FMNL3: variants seen among roughly 807,000 people sequenced by gnomAD.
FMNL3 encodes formin-like protein 3.
In FMNL3, 57 loss-of-function variants were observed where a neutral mutation model predicts 119.6. That is an observed-to-expected ratio of 0.48 (90% CI 0.39 to 0.59). The LOEUF is 0.59. Among genes scored for constraint, FMNL3 ranks in the 20% least tolerant of loss-of-function variants. The pLI is 0.00. For missense variants in FMNL3, 1,053 were observed against 1,323.5 expected, an observed-to-expected ratio of 0.80 and a Z score of 3.17; for synonymous variants, 491 against 507.3, an observed-to-expected ratio of 0.97 and a Z score of 0.43.
chr12:49,664,368 GTACTT>G (rs1438816222), intron 4 of FMNL3, among the ~76,000 whole-genome samples: 1 of 152,172 alleles, frequency 6.6e-6, no homozygotes, highest in East Asian at 1.9e-4. Context: ...TCATGTCACT[GTACTT>G]TATCCTGGGC....
chr12:49,641,798 C>G lies in FMNL3; in HGVS notation c.*4017G>C, dbSNP rs1189949847. On this transcript the variant is annotated 3_prime_UTR_variant, in exon 26 of 26. Coordinates refer to ENST00000335154, the MANE Select transcript of FMNL3 (RefSeq NM_175736.5). ...TAATGCAGACCACAGTCCTGTGGAT[C>G]TCTTCCAGAGGCAAGGGCCTTCTTG... 8.3e-6 allele frequency: 7 copies of G among 845,682 alleles called. No individual in the cohort carries two copies. In the East Asian group the frequency reaches 1.7e-4, roughly 21 times the overall value. The allele number at this position is 845,682 out of a possible 1,614,324, so 52.4% of individuals were successfully genotyped here.
chr12:49,688,577 T>C (rs1944526105), intron 1 of FMNL3: 2 of 454,634 alleles, frequency 4.4e-6, no homozygotes, highest in South Asian at 3.1e-5. Context: ...AGAAAACTCA[T>C]CCCCCAGATC....
rs140389517 is a variant in FMNL3, at chr12:49,703,426, C to G, written c.126+3629G>C. On this transcript the variant is annotated intron_variant, in intron 1 of 25. Transcript: ENST00000335154. Reference sequence around the variant, plus strand: ...TGCCCCAACCCCAAACTTCTCAATACCCAACAGAATGGGAAGTGCTACTCA... The same window carrying G: ...TGCCCCAACCCCAAACTTCTCAATAGCCAACAGAATGGGAAGTGCTACTCA... Among the ~76,000 whole-genome samples, 398 of 152,246 alleles carry G rather than the reference C, an allele frequency of 2.6e-3. 2 individuals are homozygous for G. Among genetic ancestry groups the G allele is most frequent in the Non-Finnish European group, 2.7e-3 (185 of 68,022 alleles).
chr12:49,643,490 T>C lies in FMNL3; in HGVS notation c.*2325A>G. On this transcript the variant is annotated 3_prime_UTR_variant, in exon 26 of 26. Coordinates refer to ENST00000335154, the MANE Select transcript of FMNL3 (RefSeq NM_175736.5). ...AGCCCCAGCTCCTTTGAGGGTAGAC[T>C]GGATTGGGAGGGCTGCACCTGTGGA... 1 of 1,474,540 alleles carries C rather than the reference T, an allele frequency of 6.8e-7. No individual in the cohort carries two copies. The highest frequency in any genetic ancestry group is 9.1e-7 in the Non-Finnish European group (1 of 1,097,288). The allele number at this position is 1,474,540 out of a possible 1,614,324, so 91.3% of individuals were successfully genotyped here.
chr12:49,655,926 C>A (rs1565872589), intron 9 of FMNL3, among the ~76,000 whole-genome samples: 1 of 152,158 alleles, frequency 6.6e-6, no homozygotes. Flanking sequence ...TCCTTCTCCC[C>A]TCACCAATAA....
At chr12:49,706,080 A>C (rs1240958513) in intron 1 of FMNL3, among the ~76,000 whole-genome samples, 1 of 152,182 alleles carries the variant, frequency 6.6e-6, no homozygotes, top group Non-Finnish European at 1.5e-5. Context: ...TATTTCCCCA[A>C]ATTTCTCAAA....
chr12:49,673,231 C>G (rs1190199368), intron 1 of FMNL3, among the ~76,000 whole-genome samples: 1 of 152,224 alleles, frequency 6.6e-6, no homozygotes, highest in Non-Finnish European at 1.5e-5. Flanking sequence ...ACACACTTCT[C>G]AACGTGCTGC....
chr12:49,685,617 A>G (rs1311178085), intron 1 of FMNL3, among the ~76,000 whole-genome samples: 1 of 152,210 alleles, frequency 6.6e-6, no homozygotes, highest in Non-Finnish European at 1.5e-5. Context: ...AGTATAAAAG[A>G]AAGGTGACTA....
intron 1 of FMNL3, 87 bp downstream of exon 1, chr12:49,706,968 G>C (rs1230626820): frequency 6.3e-6 from 9 of 1,432,528 alleles, no homozygotes; most frequent in Non-Finnish European, 7.6e-6. Flanking sequence ...AAGGGTGGGC[G>C]GGACGGGGGC....
At chr12:49,665,939 C>T (rs1468163833) in intron 3 of FMNL3, 31 bp from the exon 4 acceptor site, 10 of 1,610,090 alleles carry the variant, frequency 6.2e-6, no homozygotes, top group African/African-American at 1.3e-5. Flanking sequence ...GAAGGGAATA[C>T]AAGAGGGCAG....
chr12:49,637,594 C>G lies in FMNL3; in HGVS notation c.*8221G>C. On this transcript the variant is annotated 3_prime_UTR_variant, in exon 26 of 26. Transcript: ENST00000335154. ...ATGCTGGGCCAGCCGGGTAAGGCAG[C>G]CAGGCTCCCCCTTCTCTGGCCTGGC... is the stretch of plus-strand genomic sequence containing the variant. 1 of 1,610,344 alleles carries G rather than the reference C, an allele frequency of 6.2e-7. No homozygotes were observed. Among genetic ancestry groups the G allele is most frequent in the Non-Finnish European group, 8.5e-7 (1 of 1,177,502 alleles).
chr12:49,679,085 G>A (rs1210271732), intron 1 of FMNL3, among the ~76,000 whole-genome samples: 6 of 152,212 alleles, frequency 3.9e-5, no homozygotes, highest in Non-Finnish European at 5.9e-5. Flanking sequence ...ACAGAACTGC[G>A]ATAAGCACTC....
At chr12:49,702,537 A>C (rs1291218331) in intron 1 of FMNL3, among the ~76,000 whole-genome samples, 1 of 152,136 alleles carries the variant, frequency 6.6e-6, no homozygotes. Flanking sequence ...GTATTACTTT[A>C]AGAGGAAAAC....
In FMNL3 at chr12:49,642,632, CG is replaced by C. The variant is rs1565851704; in HGVS notation, c.*3182del. 1 of 1,614,162 alleles carries C rather than the reference CG, an allele frequency of 6.2e-7. No individual in the cohort carries two copies. Among genetic ancestry groups the C allele is most frequent in the Non-Finnish European group, 8.5e-7 (1 of 1,180,024 alleles). On this transcript the variant is annotated 3_prime_UTR_variant, in exon 26 of 26. Coordinates refer to ENST00000335154, the MANE Select transcript of FMNL3 (RefSeq NM_175736.5). The surrounding 1 kb of genome is among the most constrained non-coding windows in gnomAD (Gnocchi z 5.8). ...GCCTTTGAGCAGATCACCCTGGAGT[CG>C]GAGCGGATCCGGCTCTTCCGGGAGT...
At position 49,639,067 on chromosome 12, in the gene FMNL3, G is replaced by C. The variant is rs1942247309; in HGVS notation, c.*6748C>G. On this transcript the variant is annotated 3_prime_UTR_variant, in exon 26 of 26. Transcript: ENST00000335154. ...TCTTTCTCTGGAACCACATGCCCCA[G>C]CTTGGAAGTAGAGCCCTGCATGTAA... The C allele has an allele frequency of 6.6e-6, 1 of 152,164 alleles. No homozygotes were observed. Among genetic ancestry groups the C allele is most frequent in the Admixed American group, 6.5e-5 (1 of 15,280 alleles). 9.4% of individuals were successfully genotyped at this position (152,164 alleles called of 1,614,324 possible).
intron 1 of FMNL3, among the ~76,000 whole-genome samples, chr12:49,692,984 T>A (rs1592692926): frequency 6.6e-6 from 1 of 152,176 alleles, no homozygotes; most frequent in Non-Finnish European, 1.5e-5. Flanking sequence ...GAAAGGAGCT[T>A]GTCCTGAACG....
At position 49,637,209 on chromosome 12, in the gene FMNL3, C is replaced by A; in HGVS notation, c.*8606G>T. ...GTGGTGGTAGTGCTAGGGGTTACTGCAGGCAGGTTTCTGTTTCTTTGCATC... is the reference window on the plus strand; with the variant it reads ...GTGGTGGTAGTGCTAGGGGTTACTGAAGGCAGGTTTCTGTTTCTTTGCATC... On this transcript the variant is annotated 3_prime_UTR_variant, in exon 26 of 26. Coordinates refer to ENST00000335154, the MANE Select transcript of FMNL3 (RefSeq NM_175736.5). 1.7e-6 allele frequency: 1 copy of A among 574,206 alleles called. No homozygotes were observed. The highest frequency in any genetic ancestry group is 3.1e-6 in the Non-Finnish European group (1 of 322,842). 35.6% of individuals were successfully genotyped at this position (574,206 alleles called of 1,614,324 possible).
intron 1 of FMNL3, among the ~76,000 whole-genome samples, chr12:49,678,131 G>A (rs944191997): frequency 6.6e-6 from 1 of 151,396 alleles, no homozygotes; most frequent in Non-Finnish European, 1.5e-5. Context: ...CAAAGTGCTG[G>A]GATTACAGGC....
chr12:49,647,098 C>G lies in FMNL3; in HGVS notation c.2872-89G>C. On this transcript the variant is annotated intron_variant, in intron 24 of 25. Transcript: ENST00000335154. The surrounding 1 kb of genome is among the most constrained non-coding windows in gnomAD (Gnocchi z 4.9). Reference sequence around the variant, plus strand: ...CCCAAGGTGCAGTCTGAGGATGCCACTGCTTGTGCACTGCTAGGAATCCCC... The same window carrying G: ...CCCAAGGTGCAGTCTGAGGATGCCAGTGCTTGTGCACTGCTAGGAATCCCC... 1 of 1,595,048 alleles carries G rather than the reference C, an allele frequency of 6.3e-7. No homozygotes were observed. Among genetic ancestry groups the G allele is most frequent in the Non-Finnish European group, 8.6e-7 (1 of 1,167,942 alleles).
Sources: allele counts gnomAD v4.1 joint callset (sites outside exome capture counted in the v4.1 genomes callset), GRCh38; gene constraint gnomAD v4.1.1; non-coding constraint Gnocchi (gnomAD v3.1); transcripts MANE v1.5; gene names NCBI Gene and HGNC (gene_info 2026-07-23, HGNC 2026-07-21).